Variants in TRABD2B observed in about 807,000 individuals in gnomAD.
TRABD2B encodes the protein metalloprotease TIKI2.
TRABD2B carries 14 observed loss-of-function variants against 40.1 expected under a neutral mutation model. The observed-to-expected ratio is 0.35, with a 90% CI of 0.23 to 0.55. The LOEUF is 0.55. TRABD2B is among the 20% of genes least tolerant of loss of function. The pLI is 0.90. For missense variants in TRABD2B, 541 were observed against 648.6 expected, an observed-to-expected ratio of 0.83 and a Z score of 1.80; for synonymous variants, 263 against 277.0, an observed-to-expected ratio of 0.95 and a Z score of 0.50.
intron 2 of TRABD2B, among the ~76,000 whole-genome samples, chr1:47,937,341 A>T (rs949001953): frequency 6.7e-6 from 1 of 148,164 alleles, no homozygotes; most frequent in African/African-American, 2.4e-5. Flanking sequence ...CATCATGATC[A>T]TCATCATCAC....
intron 2 of TRABD2B, among the ~76,000 whole-genome samples, chr1:47,824,794 G>A (rs1645153836): frequency 6.6e-6 from 1 of 152,188 alleles, no homozygotes; most frequent in South Asian, 2.1e-4. Flanking sequence ...TGCCTGTGGA[G>A]CTGCTAATCA....
At position 47,994,242 on chromosome 1, in the gene TRABD2B, G is replaced by T. The variant is rs1194360587; in HGVS notation, c.458C>A (p.Ala153Asp). 5 of 1,541,666 alleles carry T rather than the reference G, an allele frequency of 3.2e-6. No individual in the cohort carries two copies. The East Asian group carries it at 1.2e-4, about 37-fold the overall frequency. ...CTTGCGCTCCCAGTTGCCCGCGATG[G>T]CATTGAATAGGTAGTCAGCATAGAG... ...KGLYADYLFN[A>D]IAGNWERKRP... Residue 153 changes from alanine (A) to aspartate (D), a missense_variant, in exon 2 of 7, where the codon GCC (alanine) becomes GAC (aspartate). Physicochemically the swap from Ala to Asp is moderately radical, Grantham distance 126. This residue lies in a region of TRABD2B where 369 missense variants were observed against 492.8 expected (regional missense o/e 0.75). Transcript: ENST00000606738. This position sits in a 1 kb window ranked among gnomAD's most constrained non-coding sequence, Gnocchi z 6.7.
intron 2 of TRABD2B, among the ~76,000 whole-genome samples, chr1:47,855,382 G>A (rs1643880612): frequency 6.6e-6 from 1 of 152,224 alleles, no homozygotes; most frequent in Non-Finnish European, 1.5e-5. Flanking sequence ...TGAGGCTGGA[G>A]TGTATCCTTG....
intron 2 of TRABD2B, among the ~76,000 whole-genome samples, chr1:47,848,699 A>C (rs538945237): frequency 6.6e-6 from 1 of 152,190 alleles, no homozygotes; most frequent in Admixed American, 6.5e-5. Flanking sequence ...AAGGGCAGGG[A>C]AAGTTTGTCC....
intron 4 of TRABD2B, among the ~76,000 whole-genome samples, chr1:47,791,109 G>A (rs1216243995): frequency 6.6e-6 from 1 of 152,238 alleles, no homozygotes; most frequent in Non-Finnish European, 1.5e-5. Context: ...ATCCCTGTCT[G>A]TCCTCGCAGG....
intron 2 of TRABD2B, among the ~76,000 whole-genome samples, chr1:47,894,988 C>T (rs902311826): frequency 1.3e-5 from 2 of 152,132 alleles, no homozygotes; most frequent in Non-Finnish European, 2.9e-5. Context: ...TCCTCCTCCA[C>T]CACCCCAGTC....
Position 47,837,542 on chromosome 1 carries a change from A to G in TRABD2B, c.667-35923T>C, listed in dbSNP as rs4644534. ...TGCCTCTGCTCCCGCCAAGGTCCCC[A>G]AGAGCCTCCTGTGACTGTATCTGAG... On this transcript the variant is annotated intron_variant, in intron 2 of 6. Coordinates refer to ENST00000606738, the MANE Select transcript of TRABD2B (RefSeq NM_001194986.2). Among the ~76,000 whole-genome samples, 766 of 152,012 alleles carry G rather than the reference A, an allele frequency of 5.0e-3. 6 individuals carry two copies. Among genetic ancestry groups the G allele is most frequent in the African/African-American group, 0.017 (720 of 41,466 alleles).
At chr1:47,791,639 G>A (rs985032571) in intron 4 of TRABD2B, among the ~76,000 whole-genome samples, 6 of 152,132 alleles carry the variant, frequency 3.9e-5, no homozygotes, top group Non-Finnish European at 5.9e-5. Flanking sequence ...GGAGTGGAGC[G>A]GGTATGTCTT....
chr1:47,873,780 T>A (rs931757385), intron 2 of TRABD2B, among the ~76,000 whole-genome samples: 1 of 152,196 alleles, frequency 6.6e-6, no homozygotes, highest in African/African-American at 2.4e-5. Flanking sequence ...TCCAGCACAT[T>A]ATTTTACTAT....
chr1:47,810,153 T>TGTGTGTGC (rs386353946), intron 2 of TRABD2B, among the ~76,000 whole-genome samples: 5 of 151,186 alleles, frequency 3.3e-5, no homozygotes, highest in Admixed American at 2.0e-4. Context: ...TGTGTGTGTG[T>TGTGTGTGC]GCGCGCGCGC....
At chr1:47,930,169 C>A (rs972351461) in intron 2 of TRABD2B, among the ~76,000 whole-genome samples, 2 of 152,186 alleles carry the variant, frequency 1.3e-5, no homozygotes, top group Non-Finnish European at 2.9e-5. Flanking sequence ...AGCCATGGTG[C>A]GCCAAGGTTT....
At position 47,933,622 on chromosome 1, in the gene TRABD2B, C is replaced by T. The variant is rs185383870; in HGVS notation, c.666+60412G>A. On this transcript the variant is annotated intron_variant, in intron 2 of 6. Coordinates refer to ENST00000606738, the MANE Select transcript of TRABD2B (RefSeq NM_001194986.2). ...GACATTCCCCTCCAGAGAACCTTCT[C>T]TGACTCCCTCTAGTCCTATGTAGGT... Among the ~76,000 whole-genome samples the T allele has an allele frequency of 1.5e-4, 23 of 152,322 alleles. No individual in the cohort carries two copies. The East Asian group carries it at 3.9e-3, about 26-fold the overall frequency.
intron 2 of TRABD2B, among the ~76,000 whole-genome samples, chr1:47,912,218 T>C (rs1332719089): frequency 2.0e-5 from 3 of 152,184 alleles, no homozygotes; most frequent in Non-Finnish European, 2.9e-5. Context: ...AGATATAAAC[T>C]AATCTATTTA....
intron 2 of TRABD2B, among the ~76,000 whole-genome samples, chr1:47,888,245 G>C (rs1644396958): frequency 6.6e-6 from 1 of 152,230 alleles, no homozygotes; most frequent in African/African-American, 2.4e-5. Flanking sequence ...AGCAAAGCAG[G>C]GGCAAAGGAG....
chr1:47,914,282 C>T (rs1266830312), intron 2 of TRABD2B, among the ~76,000 whole-genome samples: 1 of 152,220 alleles, frequency 6.6e-6, no homozygotes, highest in Non-Finnish European at 1.5e-5. Flanking sequence ...GCAAGCATTG[C>T]GCAGACACAA....
chr1:47,986,660 C>T (rs1191839024), intron 2 of TRABD2B, among the ~76,000 whole-genome samples: 1 of 152,064 alleles, frequency 6.6e-6, no homozygotes, highest in Non-Finnish European at 1.5e-5. Flanking sequence ...GGAGGAGGTA[C>T]AGCTTTAAGC....
chr1:47,784,686 A>C (rs998719655), intron 4 of TRABD2B, among the ~76,000 whole-genome samples: 1 of 152,074 alleles, frequency 6.6e-6, no homozygotes, highest in African/African-American at 2.4e-5. Flanking sequence ...GTATGACAGG[A>C]GGGCTGGATG....
chr1:47,864,927 G>C (rs1249225656), intron 2 of TRABD2B, among the ~76,000 whole-genome samples: 1 of 149,564 alleles, frequency 6.7e-6, no homozygotes, highest in Non-Finnish European at 1.5e-5. Flanking sequence ...CCCTGCCCTG[G>C]ATGAGTAGAG....
At chr1:47,860,698 G>A (rs895583451) in intron 2 of TRABD2B, among the ~76,000 whole-genome samples, 2 of 152,204 alleles carry the variant, frequency 1.3e-5, no homozygotes, top group African/African-American at 4.8e-5. Context: ...GGTGGGCCTA[G>A]TCAGAAGTGT....
Sources: allele counts gnomAD v4.1 joint callset (sites outside exome capture counted in the v4.1 genomes callset), GRCh38; gene constraint gnomAD v4.1.1; regional missense constraint gnomAD v4.1.1; non-coding constraint Gnocchi (gnomAD v3.1); transcripts MANE v1.5; gene names NCBI Gene and HGNC (gene_info 2026-07-23, HGNC 2026-07-21).